Variants in CCDC171 observed in about 807,000 individuals in gnomAD.
The protein encoded by CCDC171 is coiled-coil domain containing 171, also known as coiled-coil domain-containing protein 171.
A neutral mutation model predicts 168.2 loss-of-function variants in CCDC171; 177 were observed. That is an observed-to-expected ratio of 1.05 (90% confidence interval 0.93 to 1.19). CCDC171 has a LOEUF of 1.19. Ranked by LOEUF, CCDC171 falls within the 50% of genes most tolerant of loss-of-function variation. The pLI is 0.00. For missense variants in CCDC171, 1,991 were observed against 1,539.0 expected (o/e 1.29, Z -4.91); for synonymous variants, 687 against 540.8 (o/e 1.27, Z -3.75).
chr9:16,108,303 C>G, the CCDC171 span, among the ~76,000 whole-genome samples: 10 of 152,322 alleles, frequency 6.6e-5, no homozygotes, highest in South Asian at 1.0e-3. Flanking sequence ...TCCAGTAACT[C>G]AAACACTTTG....
chr9:15,847,930 A>G (rs1211158495), intron 22 of CCDC171, among the ~76,000 whole-genome samples: 1 of 152,002 alleles, frequency 6.6e-6, no homozygotes, highest in Non-Finnish European at 1.5e-5. Flanking sequence ...GCTATGTAAC[A>G]TTGCACCACC....
chr9:15,785,807 G>A (rs550763996), intron 21 of CCDC171, among the ~76,000 whole-genome samples: 1 of 152,108 alleles, frequency 6.6e-6, no homozygotes, highest in Admixed American at 6.6e-5. Flanking sequence ...GCATGCATTT[G>A]CCAGGCTCTG....
rs951143026 is a variant in CCDC171, at chr9:15,598,842, G to C, written c.675+4670G>C. On this transcript the variant is annotated intron_variant, in intron 6 of 25. Coordinates refer to ENST00000380701, the MANE Select transcript of CCDC171 (RefSeq NM_173550.4). ...ATGAATCTGGGTGCTCCTGTATTGG[G>C]TGCATATATATTTAGGATAGTTAGC... 1.1e-4 allele frequency among the ~76,000 whole-genome samples: 17 copies of C among 152,100 alleles called. No individual in the cohort carries two copies. In the East Asian group the frequency reaches 3.3e-3, roughly 29 times the overall value.
At chr9:15,854,842 A>C (rs1273415047) in intron 23 of CCDC171, among the ~76,000 whole-genome samples, 3 of 151,454 alleles carry the variant, frequency 2.0e-5, no homozygotes, top group Non-Finnish European at 4.4e-5. Context: ...TTCTTCATTG[A>C]CTTGTTATTT....
At chr9:15,631,262 G>A (rs2045666537) in intron 7 of CCDC171, among the ~76,000 whole-genome samples, 1 of 151,528 alleles carries the variant, frequency 6.6e-6, no homozygotes, top group African/African-American at 2.4e-5. Context: ...CAACAAAATT[G>A]ATAGACAGCT....
chr9:15,711,275 A>C (rs951110156), intron 11 of CCDC171, among the ~76,000 whole-genome samples: 1 of 152,106 alleles, frequency 6.6e-6, no homozygotes, highest in African/African-American at 2.4e-5. Flanking sequence ...TTGGCCTCTG[A>C]TTTTCTTTAA....
chr9:15,700,107 A>C (rs918327548), intron 11 of CCDC171, among the ~76,000 whole-genome samples: 4 of 152,100 alleles, frequency 2.6e-5, no homozygotes, highest in Non-Finnish European at 4.4e-5. Context: ...AGTGCTCATC[A>C]GGGAGGCTCC....
chr9:16,006,085 C>T (rs1034218047), intron 3 of CCDC171, among the ~76,000 whole-genome samples: 7 of 152,098 alleles, frequency 4.6e-5, no homozygotes, highest in African/African-American at 1.7e-4. Flanking sequence ...TGGTCTCGAA[C>T]TCCTGACCTC....
At chr9:15,628,086 C>T (rs2045322462) in intron 7 of CCDC171, among the ~76,000 whole-genome samples, 1 of 152,090 alleles carries the variant, frequency 6.6e-6, no homozygotes, top group African/African-American at 2.4e-5. Context: ...GTCTACAGCT[C>T]CCAGCGTGAG....
intron 10 of CCDC171, 25 bp downstream of exon 10, chr9:15,678,921 T>C (rs1178924010): frequency 1.3e-6 from 2 of 1,536,062 alleles, no homozygotes; most frequent in East Asian, 2.3e-5. Context: ...GAAAACCCTA[T>C]GGAAATCACT....
intron 21 of CCDC171, among the ~76,000 whole-genome samples, chr9:15,796,928 G>C (rs1442787430): frequency 6.6e-6 from 1 of 152,212 alleles, no homozygotes; most frequent in East Asian, 1.9e-4. Flanking sequence ...GGTGTACCTA[G>C]GTTGTATAGT....
Position 15,623,300 on chromosome 9 carries a change from A to G in CCDC171, c.709A>G (p.Lys237Glu). ...QDTAVQNMHK[K>E]VEKLETEHMD... is the part of the protein sequence containing the mutation. ...TACTGCTGTGCAAAATATGCATAAG[A>G]AAGTAGAAAAATTAGAAACAGAACA... The change falls in exon 7 of 26, where the codon AAA (lysine) becomes GAA (glutamate). Residue 237 changes from lysine to glutamate, a missense_variant. Lys to Glu is a moderately conservative substitution (Grantham distance 56). Coordinates refer to ENST00000380701, the MANE Select transcript of CCDC171 (RefSeq NM_173550.4). 3.1e-6 allele frequency: 5 copies of G among 1,599,658 alleles called. No individual in the cohort carries two copies. Among genetic ancestry groups the G allele is most frequent in the Non-Finnish European group, 4.3e-6 (5 of 1,172,232 alleles).
chr9:16,039,208 A>T (rs1008394329), upstream of CCDC171, among the ~76,000 whole-genome samples: 2 of 151,954 alleles, frequency 1.3e-5, no homozygotes, highest in African/African-American at 4.8e-5. Context: ...TCCGTAGTAA[A>T]CTCCTATGGG....
At chr9:16,014,278 G>T (rs1384142405) in intron 3 of CCDC171, among the ~76,000 whole-genome samples, 1 of 152,112 alleles carries the variant, frequency 6.6e-6, no homozygotes, top group Admixed American at 6.6e-5. Context: ...ATTCATTCAA[G>T]TTTTCTCATG....
In CCDC171 at chr9:15,699,140, G is replaced by C. The variant is rs534026997; in HGVS notation, c.1318+3803G>C. Among the ~76,000 whole-genome samples, 7 of 152,168 alleles carry C rather than the reference G, an allele frequency of 4.6e-5. No homozygotes were observed. In the South Asian group the frequency reaches 1.2e-3, roughly 27 times the overall value. ...CAGAGTTTGTTCCTTCTGGTGTTCAGATGTGTTCGGAGTTTCTTCCTTCTG... is the reference window on the plus strand; with the variant it reads ...CAGAGTTTGTTCCTTCTGGTGTTCACATGTGTTCGGAGTTTCTTCCTTCTG... On this transcript the variant is annotated intron_variant, in intron 11 of 25. Transcript: ENST00000380701.
At chr9:15,633,575 G>C (rs2045935437) in intron 7 of CCDC171, among the ~76,000 whole-genome samples, 1 of 152,142 alleles carries the variant, frequency 6.6e-6, no homozygotes, top group African/African-American at 2.4e-5. Context: ...CACTGTTGGT[G>C]GGACTGTAAA....
At chr9:15,921,314 T>C (rs1825299045) in intron 25 of CCDC171, among the ~76,000 whole-genome samples, 1 of 151,612 alleles carries the variant, frequency 6.6e-6, no homozygotes, top group Non-Finnish European at 1.5e-5. Flanking sequence ...ATAAATCCTT[T>C]GTAACCAGGG....
At chr9:16,051,051 T>G (rs1330617972) in intron 1 of CCDC171, among the ~76,000 whole-genome samples, 1 of 152,244 alleles carries the variant, frequency 6.6e-6, no homozygotes, top group Non-Finnish European at 1.5e-5. Context: ...TTATTGCCTA[T>G]TTTACTGTAC....
chr9:16,058,041 T>TG (rs1256338353), intron 1 of CCDC171, among the ~76,000 whole-genome samples: 1 of 142,874 alleles, frequency 7.0e-6, no homozygotes, highest in African/African-American at 2.9e-5. Flanking sequence ...GTGAATTTTT[T>TG]GAAAAAAAAA....
Sources: gnomAD v4.1 joint callset for allele counts (sites outside exome capture counted in the v4.1 genomes callset) on GRCh38, gnomAD v4.1.1 for gene constraint, MANE v1.5 for transcripts, NCBI Gene and HGNC (gene_info 2026-07-23, HGNC 2026-07-21) for gene names.